Variants in PACRG observed in about 807,000 individuals in gnomAD.
The protein encoded by PACRG is parkin coregulated gene protein.
PACRG carries 29 observed loss-of-function variants against 29.7 expected under a neutral mutation model. The ratio of observed to expected loss-of-function variants is 0.98; its 90% confidence interval spans 0.73 to 1.33. PACRG has a LOEUF of 1.33. Among genes scored for constraint, PACRG ranks in the 40% most tolerant of loss-of-function variants. PACRG has a pLI of 0.00. For missense variants in PACRG, 279 were observed against 316.2 expected (o/e 0.88, Z 0.89); for synonymous variants, 116 against 118.7 (o/e 0.98, Z 0.15).
intron 2 of PACRG, among the ~76,000 whole-genome samples, chr6:162,841,387 G>T (rs1427824235): frequency 6.6e-6 from 1 of 151,942 alleles, no homozygotes; most frequent in South Asian, 2.1e-4. Flanking sequence ...TTGCATAGAG[G>T]TGTTTGTAGT....
At chr6:163,074,002 G>A (rs1175815025) in intron 3 of PACRG, among the ~76,000 whole-genome samples, 2 of 152,118 alleles carry the variant, frequency 1.3e-5, no homozygotes, top group Non-Finnish European at 2.9e-5. Context: ...CCACTATGGA[G>A]GACAATTTGG....
intron 2 of PACRG, among the ~76,000 whole-genome samples, chr6:163,037,463 G>A (rs1290469616): frequency 6.6e-6 from 1 of 152,158 alleles, no homozygotes; most frequent in Non-Finnish European, 1.5e-5. Context: ...TGTTCTCTTA[G>A]CATTCATAGC....
chr6:162,934,253 A>G (rs547142313), intron 2 of PACRG, among the ~76,000 whole-genome samples: 2 of 148,284 alleles, frequency 1.3e-5, no homozygotes, highest in South Asian at 4.2e-4. Flanking sequence ...ACACAGCGAG[A>G]CTGTCTCAAA....
At chr6:163,164,911 C>T (rs908010220) in intron 4 of PACRG, among the ~76,000 whole-genome samples, 8 of 152,168 alleles carry the variant, frequency 5.3e-5, no homozygotes, top group Non-Finnish European at 1.0e-4. Context: ...CATGCATGCT[C>T]AGGGTATGTA....
intron 4 of PACRG, among the ~76,000 whole-genome samples, chr6:163,156,150 G>A (rs977983188): frequency 6.6e-6 from 1 of 152,218 alleles, no homozygotes; most frequent in African/African-American, 2.4e-5. Flanking sequence ...GGCTCCTGCA[G>A]CCTCTTCTCC....
intron 4 of PACRG, among the ~76,000 whole-genome samples, chr6:163,281,266 G>C (rs776561368): frequency 9.9e-5 from 15 of 152,158 alleles, no homozygotes; most frequent in Admixed American, 2.6e-4. Context: ...CGGCAGCAAG[G>C]CTACTGGGAA....
At chr6:162,875,484 A>T (rs1178113357) in intron 2 of PACRG, among the ~76,000 whole-genome samples, 2 of 152,202 alleles carry the variant, frequency 1.3e-5, no homozygotes, top group Non-Finnish European at 2.9e-5. Flanking sequence ...TGCTTCCTTC[A>T]CCTGCACCAT....
intron 1 of PACRG, among the ~76,000 whole-genome samples, chr6:162,812,869 C>G (rs1787000118): frequency 6.6e-6 from 1 of 152,058 alleles, no homozygotes; most frequent in Non-Finnish European, 1.5e-5. Flanking sequence ...GGAAATCTTC[C>G]TTCCTACTGG....
intron 2 of PACRG, among the ~76,000 whole-genome samples, chr6:163,044,411 C>T (rs1372784994): frequency 6.6e-6 from 1 of 152,160 alleles, no homozygotes. Flanking sequence ...AAGCAATCCT[C>T]CTGCCTTGGC....
Position 163,101,007 on chromosome 6 carries a change from TTG to T in PACRG, c.613+11600_613+11601del, listed in dbSNP as rs2128313816. ...GCCCTCGAAGATCAATTTACTTTTT[TTG>T]CTCTTAAGTACAGTACTTTAATATG... On this transcript the variant is annotated intron_variant, in intron 4 of 4. Coordinates refer to ENST00000366888, the MANE Select transcript of PACRG (RefSeq NM_001080379.2). 4.1e-6 allele frequency: 4 copies of T among 984,040 alleles called. No homozygotes were observed. The East Asian group carries it at 4.5e-4, about 112-fold the overall frequency. 61.0% of individuals were successfully genotyped at this position (984,040 alleles called of 1,614,324 possible).
At chr6:163,227,716 C>G (rs1308058771) in intron 4 of PACRG, among the ~76,000 whole-genome samples, 3 of 152,122 alleles carry the variant, frequency 2.0e-5, no homozygotes. Flanking sequence ...CACCCAGACC[C>G]TCATACACGT....
chr6:163,131,163 C>A (rs1048331654), intron 4 of PACRG, among the ~76,000 whole-genome samples: 3 of 152,040 alleles, frequency 2.0e-5, no homozygotes, highest in Non-Finnish European at 4.4e-5. Flanking sequence ...AAAAAATTAT[C>A]CGGGCGTGGT....
intron 4 of PACRG, among the ~76,000 whole-genome samples, chr6:163,138,868 T>TTTTCAGAG (rs1817041985): frequency 6.6e-6 from 1 of 152,174 alleles, no homozygotes; most frequent in Non-Finnish European, 1.5e-5. Context: ...ACTGTCAGAG[T>TTTTCAGAG]TTCCTATATT....
intron 2 of PACRG, among the ~76,000 whole-genome samples, chr6:163,021,165 C>T (rs1806579132): frequency 6.6e-6 from 1 of 152,174 alleles, no homozygotes; most frequent in Non-Finnish European, 1.5e-5. Flanking sequence ...ACCTCCCGGG[C>T]ACCAGCACTC....
chr6:163,133,181 A>G (rs1816802435), intron 4 of PACRG, among the ~76,000 whole-genome samples: 1 of 152,156 alleles, frequency 6.6e-6, no homozygotes, highest in African/African-American at 2.4e-5. Context: ...CACAAGGTTG[A>G]TGTTGTGGAG....
At chr6:162,961,790 A>T (rs1800640823) in intron 2 of PACRG, among the ~76,000 whole-genome samples, 1 of 152,100 alleles carries the variant, frequency 6.6e-6, no homozygotes, top group African/African-American at 2.4e-5. Flanking sequence ...CCATACCCCA[A>T]GCCAGGATGA....
At chr6:163,062,071 GT>G in intron 2 of PACRG, 78 bp from the exon 3 acceptor site, 1 of 1,477,844 alleles carries the variant, frequency 6.8e-7, no homozygotes, top group South Asian at 1.3e-5. Flanking sequence ...TCTGGAGTGG[GT>G]GACAGCTGCA....
chr6:163,182,757 A>G (rs542428922), intron 4 of PACRG: 2 of 152,352 alleles, frequency 1.3e-5, no homozygotes, highest in Non-Finnish European at 2.9e-5. Context: ...TTTTATAGAC[A>G]AGGAAATGGA....
At chr6:162,881,641 A>C (rs9458663) in intron 2 of PACRG, among the ~76,000 whole-genome samples, 1 of 150,662 alleles carries the variant, frequency 6.6e-6, no homozygotes, top group Non-Finnish European at 1.5e-5. Flanking sequence ...AAGACCAGAG[A>C]CCTGGGGGAA....
Sources: gnomAD v4.1 joint callset for allele counts (sites outside exome capture counted in the v4.1 genomes callset) on GRCh38, gnomAD v4.1.1 for gene constraint, MANE v1.5 for transcripts, NCBI Gene and HGNC (gene_info 2026-07-23, HGNC 2026-07-21) for gene names.